Variants in SPTBN5 observed in about 807,000 individuals in gnomAD.
SPTBN5 encodes spectrin beta, non-erythrocytic 5, also known as spectrin beta chain, non-erythrocytic 5.
Under a neutral mutation model 477.6 loss-of-function variants are expected in SPTBN5, and 513 were observed. The ratio of observed to expected loss-of-function variants is 1.07; its 90% CI spans 1.00 to 1.16. SPTBN5 has a LOEUF of 1.16. SPTBN5 is among the 50% of genes most tolerant of loss of function. The probability of loss-of-function intolerance (pLI) is 0.00; values close to 1 mark genes in which losing one functional copy is unlikely to be tolerated. For synonymous variants in SPTBN5, 2,169 were observed against 2,011.7 expected (o/e 1.08, Z -2.09); for missense variants, 5,062 against 4,731.8 (o/e 1.07, Z -2.05).
chr15:41,870,847 C>G (rs901959924), intron 29 of SPTBN5, among the ~76,000 whole-genome samples: 1 of 152,242 alleles, frequency 6.6e-6, no homozygotes, highest in Non-Finnish European at 1.5e-5. Context: ...ACTCACAGTG[C>G]GTCACCCAGG....
rs763550446 is a variant in SPTBN5, at chr15:41,872,394, G to C, written c.5073C>G (p.Thr1691=). ...SMEELDQTAQ[T]LTGPEVPEQQ... ...GCTCAGGGACTTCGGGGCCAGTGAG[G>C]GTTTGGGCCGTCTGGTCAAGCTCCT... Residue 1691 remains threonine, a synonymous_variant, in exon 27 of 68, where the codon ACC becomes ACG. Transcript: ENST00000320955. The C allele has an allele frequency of 8.7e-6, 14 of 1,604,898 alleles. No homozygotes were observed. In the African/African-American group the frequency reaches 1.6e-4, roughly 18 times the overall value.
rs1477643818 is a variant in SPTBN5, at chr15:41,888,034, CCAGCAGGGCTTCCTTGGTGGA to C, written c.532_552del (p.Ser178_Leu184del). 1.3e-6 allele frequency: 2 copies of C among 1,587,814 alleles called. No homozygotes were observed. The highest frequency in any genetic ancestry group is 1.3e-5 in the African/African-American group (1 of 74,498). On this transcript the variant is annotated inframe_deletion, in exon 5 of 68. Coordinates refer to ENST00000320955, the MANE Select transcript of SPTBN5 (RefSeq NM_016642.4). ...CTGGCTGTCTTCCGCTGGCACCAGA[CCAGCAGGGCTTCCTTGGTGGA>C]CAGCAGGGCTGCGCTGGCCCCAAAC... is the stretch of plus-strand genomic sequence containing the variant.
At position 41,873,854 on chromosome 15, in the gene SPTBN5, A is replaced by G; in HGVS notation, c.4881T>C (p.Thr1627=). Reference sequence around the variant, plus strand: ...CCTCTCTGCATCCTACCTGCTGGAAAGTGACAGCCTGCTGCAGACACTGGG... The same window carrying G: ...CCTCTCTGCATCCTACCTGCTGGAAGGTGACAGCCTGCTGCAGACACTGGG... ...ARAQCLQQAV[T]FQQYFLDVSE... Residue 1627 remains threonine (T), a synonymous_variant, in exon 25 of 68, where the codon ACT becomes ACC. Coordinates refer to ENST00000320955, the MANE Select transcript of SPTBN5 (RefSeq NM_016642.4). The G allele has an allele frequency of 3.1e-6, 5 of 1,610,726 alleles. No individual in the cohort carries two copies. The highest frequency in any genetic ancestry group is 4.2e-6 in the Non-Finnish European group (5 of 1,179,870).
intron 21 of SPTBN5, 109 bp downstream of exon 21, chr15:41,876,005 G>T (rs1269623433): frequency 1.5e-6 from 2 of 1,377,268 alleles, no homozygotes; most frequent in Non-Finnish European, 2.0e-6. Context: ...CTAGGTTCAC[G>T]CTGAGGCTGA....
At chr15:41,893,865 C>A (rs540452467) in intron 1 of SPTBN5, 34 bp downstream of exon 1, 1 of 311,862 alleles carries the variant, frequency 3.2e-6, no homozygotes, top group Middle Eastern at 9.5e-4. Context: ...CTCTGCTGGA[C>A]GGATGGAGAT....
rs558138231 is a variant in SPTBN5, at chr15:41,881,280, G to A, written c.2458-46C>T. ...CGTCTACAGGCGACCCCATCAAGCA[G>A]CAGGGGCTTTGGCCAGGCCACCCCT... On this transcript the variant is annotated intron_variant, in intron 12 of 67. Coordinates refer to ENST00000320955, the MANE Select transcript of SPTBN5 (RefSeq NM_016642.4). The A allele has an allele frequency of 2.0e-4, 304 of 1,527,496 alleles. 3 individuals carry two copies. In the South Asian group the frequency reaches 2.4e-3, roughly 12 times the overall value. 94.6% of individuals were successfully genotyped at this position (1,527,496 alleles called of 1,614,324 possible).
chr15:41,858,378 A>C (rs1463709039), intron 49 of SPTBN5, among the ~76,000 whole-genome samples: 1 of 152,246 alleles, frequency 6.6e-6, no homozygotes, highest in Non-Finnish European at 1.5e-5. Flanking sequence ...CTTTAAAATT[A>C]ATGAAAAGCT....
chr15:41,872,331 C>T lies in SPTBN5; in HGVS notation c.5136G>A (p.Leu1712=). The change falls in exon 27 of 68, where the codon CTG becomes CTA. Residue 1712 remains leucine, a synonymous_variant. Coordinates refer to ENST00000320955, the MANE Select transcript of SPTBN5 (RefSeq NM_016642.4). ...TGGCCGCCAACTCCTGCAGTGCCCG[C>T]AGCTGCTCCCGGAGCCTCTCCTGCA... The part of the protein sequence containing the change: ...RVVQERLREQ[L]RALQELAATR... 1 of 1,611,110 alleles carries T rather than the reference C, an allele frequency of 6.2e-7. No homozygotes were observed. The highest frequency in any genetic ancestry group is 8.5e-7 in the Non-Finnish European group (1 of 1,179,744).
In SPTBN5 at chr15:41,863,996, C is replaced by T. The variant is rs762073347; in HGVS notation, c.6947G>A (p.Ser2316Asn). ...GAGCTGCAGTGACAAGTCACTGATG[C>T]TCCTGATGCAGGCATCACCCACTGT... is the stretch of plus-strand genomic sequence containing the variant. ...GDTVGDACIR[S>N]ISDLSLQLKN... Residue 2316 changes from serine (S) to asparagine (N), a missense_variant, in exon 40 of 68, where the codon AGC becomes AAC. By Grantham distance (46) the Ser-to-Asn change is conservative. Coordinates refer to ENST00000320955, the MANE Select transcript of SPTBN5 (RefSeq NM_016642.4). 19 of 1,613,546 alleles carry T rather than the reference C, an allele frequency of 1.2e-5. No homozygotes were observed. In the South Asian group the frequency reaches 1.8e-4, roughly 15 times the overall value.
In SPTBN5 at chr15:41,860,630, G is replaced by A. The variant is rs766059880; in HGVS notation, c.7944C>T (p.Pro2648=). The A allele has an allele frequency of 3.9e-5, 59 of 1,524,174 alleles. No individual in the cohort carries two copies. Among genetic ancestry groups the A allele is most frequent in the Admixed American group, 1.2e-4 (6 of 48,214 alleles). The allele number at this position is 1,524,174 out of a possible 1,614,324, so 94.4% of individuals were successfully genotyped here. A position where few individuals can be genotyped will look rare whatever the true frequency, so the allele number is the denominator to read the frequency against. ...ACCTGCCCAGGGCACTCTGGGCCTC[G>A]GGGTGCCCACCCTGGTGCAGGCCGC... ...TARGLHQGGH[P]EAQSALGRCQ... is the part of the protein sequence containing the mutation. Residue 2648 remains proline (P), a synonymous_variant, in exon 47 of 68, where the codon CCC becomes CCT. Transcript: ENST00000320955.
At position 41,862,540 on chromosome 15, in the gene SPTBN5, G is replaced by A. The variant is rs16972193; in HGVS notation, c.7384C>T (p.Arg2462Trp). The change falls in exon 43 of 68, where the codon CGG (arginine) becomes TGG (tryptophan). Residue 2462 changes from arginine to tryptophan, a missense_variant and splice_region_variant. Transcript: ENST00000320955. ...AGGGCAAGGCCTGCGGGTTCATACC[G>A]CTTCTGGGCCCTGCTCCGGAGCTGC... ...WWQLRSRAQK[R>W]REALDALHQA... is the part of the protein sequence containing the mutation. 0.13 allele frequency: 211,601 copies of A among 1,573,398 alleles called. 18,187 individuals are homozygous for A. The highest frequency in any genetic ancestry group is 0.52 in the East Asian group (22,399 of 43,170).
At position 41,882,760 on chromosome 15, in the gene SPTBN5, C is replaced by T. The variant is rs768081168; in HGVS notation, c.1893-22G>A. 5 of 1,602,924 alleles carry T rather than the reference C, an allele frequency of 3.1e-6. No homozygotes were observed. The Admixed American group carries it at 6.8e-5, about 22-fold the overall frequency. On this transcript the variant is annotated intron_variant, in intron 9 of 67. Coordinates refer to ENST00000320955, the MANE Select transcript of SPTBN5 (RefSeq NM_016642.4). ...CCGCCTGAGGGACAATAGGGGCCAC[C>T]GAAGGACATGGGGAGTCGTGAGGCA...
chr15:41,854,772 G>A lies in SPTBN5; in HGVS notation c.9618+10C>T. 1 of 1,504,618 alleles carries A rather than the reference G, an allele frequency of 6.6e-7. No homozygotes were observed. The highest frequency in any genetic ancestry group is 8.9e-7 in the Non-Finnish European group (1 of 1,124,428). 93.2% of individuals were successfully genotyped at this position (1,504,618 alleles called of 1,614,324 possible). A position where few individuals can be genotyped will look rare whatever the true frequency, so the allele number is the denominator to read the frequency against. ...CACCCCTTAGCTTGGCCCGGCCTGT[G>A]ATCACCTACCTCTGTGCGGGCTTTT... On this transcript the variant is annotated intron_variant, in intron 56 of 67. Transcript: ENST00000320955.
chr15:41,862,642 C>T lies in SPTBN5; in HGVS notation c.7282G>A (p.Gly2428Ser), dbSNP rs1399374168. ...TCGGGGCTTCTTTGGCAGAGGCGGC[C>T]CACTTCACGCTCTAGGGACTGCGGG... is the stretch of plus-strand genomic sequence containing the variant. ...AQVESLEREV[G>S]RLCQRSPEAA... Residue 2428 changes from glycine (G) to serine (S), a missense_variant, in exon 43 of 68, where the codon GGC becomes AGC. Gly to Ser is a moderately conservative substitution (Grantham distance 56). Transcript: ENST00000320955. 6.4e-7 allele frequency: 1 copy of T among 1,554,190 alleles called. No individual in the cohort carries two copies. The highest frequency in any genetic ancestry group is 8.7e-7 in the Non-Finnish European group (1 of 1,152,702).
Position 41,890,143 on chromosome 15 carries a change from T to G in SPTBN5, c.447A>C (p.Gly149=). ...IVDGDQTLIL[G]LIWVIILRFQ... is the part of the protein sequence containing the mutation. ...AACGCAGAATGATGACCCAGATGAGTCCCAGGATGAGTGTCTGGTCTCCGT... is the reference window on the plus strand; with the variant it reads ...AACGCAGAATGATGACCCAGATGAGGCCCAGGATGAGTGTCTGGTCTCCGT... The change falls in exon 4 of 68, where the codon GGA becomes GGC. Residue 149 remains glycine (G), a synonymous_variant. Coordinates refer to ENST00000320955, the MANE Select transcript of SPTBN5 (RefSeq NM_016642.4). 1 of 1,613,164 alleles carries G rather than the reference T, an allele frequency of 6.2e-7. No homozygotes were observed. Among genetic ancestry groups the G allele is most frequent in the East Asian group, 2.2e-5 (1 of 44,840 alleles).
chr15:41,860,503 G>A, intron 47 of SPTBN5, 83 bp downstream of exon 47: 2 of 1,300,026 alleles, frequency 1.5e-6, no homozygotes, highest in South Asian at 2.4e-5. Flanking sequence ...CCAAGTAGTG[G>A]AAGGGTGGGA....
At position 41,873,475 on chromosome 15, in the gene SPTBN5, G is replaced by A; in HGVS notation, c.5007+17C>T. On this transcript the variant is annotated intron_variant, in intron 26 of 67. Transcript: ENST00000320955. ...ATCACCCAGACCACACTGCAGGGGAGGCTCAGGACGTGGTACCTGGTGCTT... is the reference window on the plus strand; with the variant it reads ...ATCACCCAGACCACACTGCAGGGGAAGCTCAGGACGTGGTACCTGGTGCTT... 1 of 1,534,664 alleles carries A rather than the reference G, an allele frequency of 6.5e-7. No homozygotes were observed. The highest frequency in any genetic ancestry group is 8.8e-7 in the Non-Finnish European group (1 of 1,131,776).
intron 27 of SPTBN5, among the ~76,000 whole-genome samples, 182 bp from the exon 28 acceptor site, chr15:41,872,099 G>T (rs1270293910): frequency 6.6e-6 from 1 of 152,246 alleles, no homozygotes; most frequent in Non-Finnish European, 1.5e-5. Flanking sequence ...GGAGGGTGTG[G>T]ACGTGGGGAG....
intron 56 of SPTBN5, among the ~76,000 whole-genome samples, 173 bp downstream of exon 56, chr15:41,854,608 TG>T (rs1317247973): frequency 6.6e-6 from 1 of 152,050 alleles, no homozygotes; most frequent in Non-Finnish European, 1.5e-5. Context: ...TGGAATGTCC[TG>T]GGCTGCAGCC....
Sources: gnomAD v4.1 joint callset for allele counts (sites outside exome capture counted in the v4.1 genomes callset) on GRCh38, gnomAD v4.1.1 for gene constraint, MANE v1.5 for transcripts, NCBI Gene and HGNC (gene_info 2026-07-23, HGNC 2026-07-21) for gene names.